MDGA2: variants seen among roughly 807,000 people sequenced by gnomAD.
MDGA2 encodes the protein MAM domain-containing glycosylphosphatidylinositol anchor protein 2.
In MDGA2, 40 loss-of-function variants were observed where a neutral mutation model predicts 117.8. The observed-to-expected ratio is 0.34, with a 90% CI of 0.26 to 0.44. MDGA2 has a LOEUF of 0.44. Among genes scored for constraint, MDGA2 ranks in the 20% least tolerant of loss-of-function variants. MDGA2 has a pLI of 1.00. For synonymous variants in MDGA2, 452 were observed against 439.0 expected, an observed-to-expected ratio of 1.03 and a Z score of -0.37; for missense variants, 1,123 against 1,250.6, an observed-to-expected ratio of 0.90 and a Z score of 1.54.
At chr14:47,052,467 T>C (rs1248376566) in intron 7 of MDGA2, among the ~76,000 whole-genome samples, 2 of 151,986 alleles carry the variant, frequency 1.3e-5, no homozygotes, top group Non-Finnish European at 1.5e-5. Flanking sequence ...CAGTTGATAA[T>C]TGGAGGGAAA....
At chr14:47,494,938 TAC>T (rs1288837783) in intron 1 of MDGA2, among the ~76,000 whole-genome samples, 1 of 150,718 alleles carries the variant, frequency 6.6e-6, no homozygotes, top group Non-Finnish European at 1.5e-5. Flanking sequence ...ATTTTACATA[TAC>T]ACACACATAT....
At chr14:46,955,640 A>C (rs957662662) in intron 9 of MDGA2, among the ~76,000 whole-genome samples, 1 of 152,040 alleles carries the variant, frequency 6.6e-6, no homozygotes, top group Non-Finnish European at 1.5e-5. Flanking sequence ...GAATTTTAAA[A>C]GAAGAAAGAA....
chr14:46,931,585 C>T lies in MDGA2; in HGVS notation c.2090-11425G>A, dbSNP rs1884580238. Among the ~76,000 whole-genome samples the T allele has an allele frequency of 2.1e-5, 3 of 140,718 alleles. No individual in the cohort carries two copies. The South Asian group carries it at 6.6e-4, about 31-fold the overall frequency. 92.3% of individuals were successfully genotyped at this position (140,718 alleles called of 152,430 possible). A position where few individuals can be genotyped will look rare whatever the true frequency, so the allele number is the denominator to read the frequency against. On this transcript the variant is annotated intron_variant, in intron 9 of 16. Transcript: ENST00000399232. ...TCACCCAGGCTGGATTGCAGTGGTG[C>T]CATCTCAACTCACTGCAACCTCTGC... is the stretch of plus-strand genomic sequence containing the variant.
chr14:47,000,240 G>T (rs1887454077), intron 8 of MDGA2, among the ~76,000 whole-genome samples: 1 of 148,144 alleles, frequency 6.8e-6, no homozygotes, highest in Non-Finnish European at 1.5e-5. Flanking sequence ...AATTTAAAGG[G>T]TAGAAAGCCT....
intron 1 of MDGA2, among the ~76,000 whole-genome samples, chr14:47,367,064 A>C (rs1891247457): frequency 6.6e-6 from 1 of 152,112 alleles, no homozygotes; most frequent in South Asian, 2.1e-4. Context: ...TAGTGAATAA[A>C]ATCTGAGTTC....
At chr14:47,155,888 C>CTAT (rs1883357381) in intron 3 of MDGA2, among the ~76,000 whole-genome samples, 1 of 40,166 alleles carries the variant, frequency 2.5e-5, no homozygotes, top group Non-Finnish European at 4.3e-5. Flanking sequence ...TCTTCTTCTT[C>CTAT]TTTTTTTTTT....
intron 8 of MDGA2, among the ~76,000 whole-genome samples, chr14:47,033,582 C>G (rs1888737725): frequency 6.6e-6 from 1 of 151,878 alleles, no homozygotes. Flanking sequence ...ATCCTCATAC[C>G]CATGAACAGA....
rs184598846 is a variant in MDGA2 at position 47,245,115 on chromosome 14, C to T, written c.421-26920G>A. 2.0e-3 allele frequency among the ~76,000 whole-genome samples: 308 copies of T among 151,832 alleles called. 1 individual carries two copies. The highest frequency in any genetic ancestry group is 6.8e-3 in the African/African-American group (283 of 41,506). ...ATGGCTCACTGCAGCCTTGACCTCCCAGGCTTAGGCAATCCTCCCAACTCA... is the reference window on the plus strand; with the variant it reads ...ATGGCTCACTGCAGCCTTGACCTCCTAGGCTTAGGCAATCCTCCCAACTCA... On this transcript the variant is annotated intron_variant, in intron 2 of 16. Coordinates refer to ENST00000399232, the MANE Select transcript of MDGA2 (RefSeq NM_001113498.3).
At chr14:47,122,871 T>C (rs1470486583) in intron 5 of MDGA2, among the ~76,000 whole-genome samples, 2 of 152,060 alleles carry the variant, frequency 1.3e-5, no homozygotes, top group African/African-American at 4.8e-5. Flanking sequence ...ATCCTATTAC[T>C]TTATTTTAGC....
intron 2 of MDGA2, among the ~76,000 whole-genome samples, chr14:47,283,243 A>G (rs913616191): frequency 1.3e-5 from 2 of 152,166 alleles, no homozygotes. Flanking sequence ...AGATGAGGGC[A>G]AAAGTTCACA....
At chr14:47,566,726 T>C (rs1437555187) in intron 1 of MDGA2, among the ~76,000 whole-genome samples, 3 of 151,964 alleles carry the variant, frequency 2.0e-5, no homozygotes, top group East Asian at 2.0e-4. Context: ...AGTCCTAGTA[T>C]GTGGTAGCCC....
chr14:47,155,258 C>T (rs184577909), intron 3 of MDGA2, among the ~76,000 whole-genome samples: 7 of 152,182 alleles, frequency 4.6e-5, no homozygotes, highest in East Asian at 3.9e-4. Context: ...TCACTGGATG[C>T]GGGACAAGAA....
intron 1 of MDGA2, among the ~76,000 whole-genome samples, chr14:47,572,761 T>C (rs1436515938): frequency 6.6e-6 from 1 of 152,114 alleles, no homozygotes; most frequent in Non-Finnish European, 1.5e-5. Context: ...AGTAATATAT[T>C]TTTTCACAAT....
chr14:47,454,311 T>C (rs569193806), intron 1 of MDGA2, among the ~76,000 whole-genome samples: 2 of 152,310 alleles, frequency 1.3e-5, no homozygotes, highest in South Asian at 2.1e-4. Context: ...TCAATGTTTA[T>C]TTACGATGAA....
At chr14:47,613,518 CCCA>C (rs1238391275) in intron 1 of MDGA2, among the ~76,000 whole-genome samples, 4 of 151,708 alleles carry the variant, frequency 2.6e-5, no homozygotes, top group Admixed American at 1.3e-4. Context: ...CACACGCACA[CCCA>C]CCAACCATCC....
chr14:47,202,819 CCT>C (rs1885557016), intron 3 of MDGA2, among the ~76,000 whole-genome samples: 2 of 149,238 alleles, frequency 1.3e-5, no homozygotes, highest in Non-Finnish European at 3.0e-5. Context: ...GCTCTAATGA[CCT>C]TAATGCCCAA....
At chr14:46,940,017 C>G (rs1355614806) in intron 9 of MDGA2, among the ~76,000 whole-genome samples, 1 of 152,114 alleles carries the variant, frequency 6.6e-6, no homozygotes, top group Non-Finnish European at 1.5e-5. Flanking sequence ...CTTTTCTCTC[C>G]TCCTAATTTA....
At chr14:47,412,104 A>G (rs1222854871) in intron 1 of MDGA2, among the ~76,000 whole-genome samples, 5 of 152,042 alleles carry the variant, frequency 3.3e-5, no homozygotes, top group Non-Finnish European at 7.4e-5. Context: ...GCATCAAAAC[A>G]CTCACAACTG....
chr14:47,378,124 C>G (rs184049317), intron 1 of MDGA2, among the ~76,000 whole-genome samples: 32 of 152,258 alleles, frequency 2.1e-4, no homozygotes, highest in African/African-American at 7.2e-4. Flanking sequence ...ACAGCAAACT[C>G]CAACAGACCT....
Sources: gnomAD v4.1 joint callset for allele counts (sites outside exome capture counted in the v4.1 genomes callset) on GRCh38, gnomAD v4.1.1 for gene constraint, MANE v1.5 for transcripts, NCBI Gene and HGNC (gene_info 2026-07-23, HGNC 2026-07-21) for gene names.